PRPSAP2: variants seen among roughly 807,000 people sequenced by gnomAD.
The protein encoded by PRPSAP2 is phosphoribosyl pyrophosphate synthetase associated protein 2.
A neutral mutation model predicts 40.6 loss-of-function variants in PRPSAP2; 24 were observed. That is an observed-to-expected ratio of 0.59 (90% CI 0.43 to 0.83). The LOEUF is 0.83. PRPSAP2 is among the 40% of genes least tolerant of loss of function. PRPSAP2 has a pLI of 0.00. For missense variants in PRPSAP2, 292 were observed against 465.6 expected, an observed-to-expected ratio of 0.63 and a Z score of 3.43; for synonymous variants, 149 against 164.7, an observed-to-expected ratio of 0.90 and a Z score of 0.73.
Position 18,911,040 on chromosome 17 carries a change from C to T in PRPSAP2, c.585-63C>T, listed in dbSNP as rs2151952982. On this transcript the variant is annotated intron_variant, in intron 8 of 11. Coordinates refer to ENST00000268835, the MANE Select transcript of PRPSAP2 (RefSeq NM_002767.4). This position sits in a 1 kb window ranked among gnomAD's most constrained non-coding sequence, Gnocchi z 4.5. ...TTATGTTCTCTTAATGTTTTGTCCC[C>T]TAGGCATTAGCAGAACCAAGGGCTG... 1 of 1,509,352 alleles carries T rather than the reference C, an allele frequency of 6.6e-7. No homozygotes were observed. The highest frequency in any genetic ancestry group is 1.3e-5 in the South Asian group (1 of 76,254). 93.5% of individuals were successfully genotyped at this position (1,509,352 alleles called of 1,614,324 possible).
intron 8 of PRPSAP2, among the ~76,000 whole-genome samples, chr17:18,907,023 C>G (rs964281408): frequency 2.6e-5 from 4 of 151,736 alleles, no homozygotes; most frequent in Admixed American, 1.3e-4. Context: ...AATGCCTTGG[C>G]TGTATCTAGT....
At chr17:18,902,091 A>T (rs1033118266) in intron 8 of PRPSAP2, among the ~76,000 whole-genome samples, 5 of 151,296 alleles carry the variant, frequency 3.3e-5, no homozygotes, top group African/African-American at 9.7e-5. Context: ...GCCTTGATAC[A>T]TTTTTTTTTC....
chr17:18,867,522 T>G (rs553118127), intron 4 of PRPSAP2, among the ~76,000 whole-genome samples, 188 bp downstream of exon 4: 4 of 152,226 alleles, frequency 2.6e-5, no homozygotes, highest in Non-Finnish European at 5.9e-5. Context: ...TATCTAACCC[T>G]GGTGCAAGTC....
chr17:18,926,412 G>A (rs1363032238), intron 10 of PRPSAP2, among the ~76,000 whole-genome samples: 1 of 151,656 alleles, frequency 6.6e-6, no homozygotes, highest in Non-Finnish European at 1.5e-5. Flanking sequence ...GACTACAGGT[G>A]CACGCCACCA....
At chr17:18,908,210 C>T (rs991281884) in intron 8 of PRPSAP2, 11 of 673,002 alleles carry the variant, frequency 1.6e-5, no homozygotes, top group South Asian at 8.1e-5. Flanking sequence ...CAAGAGGCCA[C>T]GGAGCCAGCG....
chr17:18,886,441 C>T (rs1177251721), intron 7 of PRPSAP2, among the ~76,000 whole-genome samples: 6 of 151,954 alleles, frequency 3.9e-5, no homozygotes, highest in Non-Finnish European at 7.4e-5. Context: ...CTGCAAGCTC[C>T]GCCTCCCGGG....
intron 8 of PRPSAP2, among the ~76,000 whole-genome samples, chr17:18,898,541 A>C (rs999189923): frequency 1.3e-5 from 2 of 152,268 alleles, no homozygotes; most frequent in South Asian, 4.1e-4. Context: ...CTTGAAGGAC[A>C]TCGTTGCTGG....
chr17:18,911,208 G>T lies in PRPSAP2; in HGVS notation c.690G>T (p.Met230Ile). Residue 230 changes from methionine to isoleucine, a missense_variant, in exon 9 of 12, where the codon ATG (methionine) becomes ATT (isoleucine). Coordinates refer to ENST00000268835, the MANE Select transcript of PRPSAP2 (RefSeq NM_002767.4). The surrounding 1 kb of genome is among the most constrained non-coding windows in gnomAD (Gnocchi z 4.5). The part of the protein sequence containing the change: ...DLVDGRHSPP[M>I]VRSVAAIHPS... ...TGGATGGACGGCATTCCCCACCCAT[G>T]GTCAGAAGTGTGGCTGCCATCCACC... is the stretch of plus-strand genomic sequence containing the variant. The T allele has an allele frequency of 6.2e-7, 1 of 1,613,540 alleles. No individual in the cohort carries two copies. The highest frequency in any genetic ancestry group is 8.5e-7 in the Non-Finnish European group (1 of 1,179,604).
rs370636556 is a variant in PRPSAP2, at chr17:18,861,659, C to T, written c.-129+3398C>T. Reference sequence around the variant, plus strand: ...AGAAGCCTATATCTGAAGTCTAGAACGTCAGAGACCACATGCAGGGTGTTG... The same window carrying T: ...AGAAGCCTATATCTGAAGTCTAGAATGTCAGAGACCACATGCAGGGTGTTG... On this transcript the variant is annotated intron_variant, in intron 1 of 11. Transcript: ENST00000268835. 4.4e-4 allele frequency among the ~76,000 whole-genome samples: 67 copies of T among 152,114 alleles called. 1 individual carries two copies. The highest frequency in any genetic ancestry group is 2.5e-3 in the East Asian group (13 of 5,180).
At chr17:18,923,845 TAACTTCTTTA>T in intron 9 of PRPSAP2, 59 bp from the exon 10 acceptor site, 1 of 1,365,256 alleles carries the variant, frequency 7.3e-7, no homozygotes, top group Non-Finnish European at 1.0e-6. Context: ...CTTGAGATAT[TAACTTCTTTA>T]AAGTTTTGTT....
intron 8 of PRPSAP2, among the ~76,000 whole-genome samples, chr17:18,899,545 T>TTTTTG (rs752831196): frequency 7.4e-5 from 8 of 108,326 alleles, no homozygotes; most frequent in South Asian, 2.7e-4. Context: ...TTTTTTTTTT[T>TTTTTG]GAGACAGGGT....
At position 18,911,067 on chromosome 17, in the gene PRPSAP2, A is replaced by G. The variant is rs769240967; in HGVS notation, c.585-36A>G. On this transcript the variant is annotated intron_variant, in intron 8 of 11. Transcript: ENST00000268835. This position sits in a 1 kb window ranked among gnomAD's most constrained non-coding sequence, Gnocchi z 4.5. ...AGGCATTAGCAGAACCAAGGGCTGC[A>G]TGAGTTTTGAGCTTGTGTCTGGTGT... is the stretch of plus-strand genomic sequence containing the variant. 6.3e-7 allele frequency: 1 copy of G among 1,574,914 alleles called. No homozygotes were observed. Among genetic ancestry groups the G allele is most frequent in the South Asian group, 1.2e-5 (1 of 86,800 alleles).
At chr17:18,889,977 G>C in intron 8 of PRPSAP2, 100 bp downstream of exon 8, 1 of 1,007,476 alleles carries the variant, frequency 9.9e-7, no homozygotes, top group South Asian at 2.0e-5. Flanking sequence ...GGTTCCCAGC[G>C]ATATCTCTTA....
chr17:18,862,982 A>C (rs1039159653), intron 1 of PRPSAP2, among the ~76,000 whole-genome samples: 1 of 147,168 alleles, frequency 6.8e-6, no homozygotes, highest in African/African-American at 2.5e-5. Flanking sequence ...CACCACGCCC[A>C]CCTAATTTTT....
chr17:18,857,551 T>G (rs1285800904), upstream of PRPSAP2, among the ~76,000 whole-genome samples: 1 of 150,310 alleles, frequency 6.7e-6, no homozygotes, highest in Non-Finnish European at 1.5e-5. Context: ...GTAGCTGGGA[T>G]TACAGGCGCG....
chr17:18,930,465 C>G (rs2042204822), intron 11 of PRPSAP2, 75 bp from the exon 12 acceptor site: 3 of 1,431,736 alleles, frequency 2.1e-6, no homozygotes, highest in East Asian at 4.6e-5. Flanking sequence ...ATTTGAGAAG[C>G]TGTCACATTT....
Position 18,908,433 on chromosome 17 carries a change from TC to T in PRPSAP2, c.585-2669del. 6 of 758,456 alleles carry T rather than the reference TC, an allele frequency of 7.9e-6. No individual in the cohort carries two copies. In the South Asian group the frequency reaches 8.3e-5, roughly 10 times the overall value. The allele number at this position is 758,456 out of a possible 1,614,324, so 47.0% of individuals were successfully genotyped here. The stretch of plus-strand genomic sequence containing the variant: ...CTTTTAAAAATGCAGACGAAACTGT[TC>T]TGATTTGCCTCAGAGAAGGATCTCC... On this transcript the variant is annotated intron_variant, in intron 8 of 11. Transcript: ENST00000268835.
chr17:18,877,721 A>G lies in PRPSAP2; in HGVS notation c.263A>G (p.Glu88Gly). Residue 88 changes from glutamate (E) to glycine (G), a missense_variant, in exon 6 of 12, where the codon GAG becomes GGG. Around this residue, in one of 2 missense-constraint regions of PRPSAP2, gnomAD observed 241 missense variants for 425.7 expected, o/e 0.57. Transcript: ENST00000268835. ...AGGGACGTGAACACCACCATCATGG[A>G]GCTCCTGATCATGGTGTATGCATGT... ...VSKDVNTTIMELLIMVYACKT... is the reference protein window; with the variant it reads ...VSKDVNTTIMGLLIMVYACKT... 1 of 1,609,306 alleles carries G rather than the reference A, an allele frequency of 6.2e-7. No homozygotes were observed. Among genetic ancestry groups the G allele is most frequent in the Non-Finnish European group, 8.5e-7 (1 of 1,178,734 alleles).
At chr17:18,866,082 TC>T in intron 3 of PRPSAP2, 130 bp downstream of exon 3, 1 of 603,490 alleles carries the variant, frequency 1.7e-6, no homozygotes. Context: ...TATCTTTTTT[TC>T]ATCATGTATC....
Sources: allele counts gnomAD v4.1 joint callset (sites outside exome capture counted in the v4.1 genomes callset), GRCh38; gene constraint gnomAD v4.1.1; regional missense constraint gnomAD v4.1.1; non-coding constraint Gnocchi (gnomAD v3.1); transcripts MANE v1.5; gene names NCBI Gene and HGNC (gene_info 2026-07-23, HGNC 2026-07-21).